The following GPT2 variants were observed in gnomAD, a reference collection of about 807,000 sequenced individuals.
GPT2 encodes the protein glutamic--pyruvic transaminase 2, also known as alanine aminotransferase 2.
GPT2 carries 30 observed loss-of-function variants against 56.9 expected under a neutral mutation model. That is an observed-to-expected ratio of 0.53 (90% CI 0.39 to 0.72). The LOEUF (loss-of-function observed/expected upper bound fraction) is 0.72. Ranked by LOEUF, GPT2 falls within the 30% of genes least tolerant of loss-of-function variation. GPT2 has a pLI of 0.00. For missense variants in GPT2, 542 were observed against 703.4 expected, an observed-to-expected ratio of 0.77 and a Z score of 2.60; for synonymous variants, 271 against 283.1, an observed-to-expected ratio of 0.96 and a Z score of 0.43.
At chr16:46,891,172 C>T (rs962450413) in intron 2 of GPT2, among the ~76,000 whole-genome samples, 1 of 151,988 alleles carries the variant, frequency 6.6e-6, no homozygotes, top group Non-Finnish European at 1.5e-5. Context: ...TGTGCATGGC[C>T]GAAAAATACA....
chr16:46,918,814 C>A lies in GPT2; in HGVS notation c.1037+57C>A, dbSNP rs534924427. The stretch of plus-strand genomic sequence containing the variant: ...TGGGCCTGCCAGATCCTCACGCTGC[C>A]GGCTCCTCTGCCCTGCCCCGTGGTC... On this transcript the variant is annotated intron_variant, in intron 8 of 11. Coordinates refer to ENST00000340124, the MANE Select transcript of GPT2 (RefSeq NM_133443.4). The A allele has an allele frequency of 7.5e-6, 12 of 1,597,218 alleles. No individual in the cohort carries two copies. The East Asian group carries it at 2.7e-4, about 36-fold the overall frequency.
chr16:46,893,789 C>T (rs1437781156), intron 2 of GPT2, among the ~76,000 whole-genome samples: 1 of 152,138 alleles, frequency 6.6e-6, no homozygotes, highest in African/African-American at 2.4e-5. Context: ...GGGATATGTG[C>T]AGGTGGATTC....
intron 2 of GPT2, among the ~76,000 whole-genome samples, chr16:46,896,879 T>TA (rs1386362777): frequency 2.6e-5 from 4 of 152,204 alleles, no homozygotes; most frequent in Non-Finnish European, 5.9e-5. Flanking sequence ...TTCCTGTACT[T>TA]ATATTCATTC....
chr16:46,894,696 C>T (rs1377936529), intron 2 of GPT2, among the ~76,000 whole-genome samples: 2 of 151,452 alleles, frequency 1.3e-5, no homozygotes, highest in Admixed American at 6.6e-5. Flanking sequence ...GACGGAGTCT[C>T]GCTCTGTCGC....
At chr16:46,893,184 G>T (rs1596861413) in intron 2 of GPT2, among the ~76,000 whole-genome samples, 1 of 152,196 alleles carries the variant, frequency 6.6e-6, no homozygotes, top group South Asian at 2.1e-4. Context: ...AGGCTGGAGT[G>T]CAGTGGCGCA....
intron 4 of GPT2, among the ~76,000 whole-genome samples, chr16:46,902,068 CT>C (rs1329141873): frequency 6.6e-6 from 1 of 152,208 alleles, no homozygotes; most frequent in African/African-American, 2.4e-5. Flanking sequence ...GGGAATGTGC[CT>C]TTTGTGTGTC....
chr16:46,915,840 A>C (rs1377440471), intron 6 of GPT2: 1 of 144,000 alleles, frequency 6.9e-6, no homozygotes, highest in Non-Finnish European at 1.5e-5. Flanking sequence ...CTACACACAC[A>C]CCTACACACA....
Position 46,909,763 on chromosome 16 carries a change from A to G in GPT2, c.656A>G (p.Tyr219Cys). 1 of 1,614,078 alleles carries G rather than the reference A, an allele frequency of 6.2e-7. No individual in the cohort carries two copies. Among genetic ancestry groups the G allele is most frequent in the Non-Finnish European group, 8.5e-7 (1 of 1,179,998 alleles). ...ATCCCCATCCCACAATATCCCCTCTATTCAGCTGTCATCTCTGAGCTCGAC... is the reference window on the plus strand; with the variant it reads ...ATCCCCATCCCACAATATCCCCTCTGTTCAGCTGTCATCTCTGAGCTCGAC... ...VMIPIPQYPLYSAVISELDAI... is the reference protein window; with the variant it reads ...VMIPIPQYPLCSAVISELDAI... The change falls in exon 6 of 12, where the codon TAT (tyrosine) becomes TGT (cysteine). Residue 219 changes from tyrosine to cysteine, a missense_variant. By Grantham distance (194) the Tyr-to-Cys change is radical (BLOSUM62 -2). Transcript: ENST00000340124.
intron 2 of GPT2, among the ~76,000 whole-genome samples, chr16:46,894,810 C>T (rs1453354918): frequency 2.6e-5 from 4 of 152,274 alleles, no homozygotes; most frequent in Non-Finnish European, 4.4e-5. Context: ...GGACTACAGG[C>T]GCCCGCCCCC....
Position 46,906,846 on chromosome 16 carries a change from C to T in GPT2, c.447C>T (p.Ser149=), listed in dbSNP as rs1960939997. The change falls in exon 5 of 12, where the codon TCC becomes TCT. Residue 149 remains serine (S), a synonymous_variant. Coordinates refer to ENST00000340124, the MANE Select transcript of GPT2 (RefSeq NM_133443.4). ...GTCTTGCCTGCTGTCTTACAGGGTC[C>T]TACAGTGCTAGCCAGGGTGTCAACT... ...LQACGGNSLG[S]YSASQGVNCI... 6.2e-7 allele frequency: 1 copy of T among 1,614,060 alleles called. No homozygotes were observed. Among genetic ancestry groups the T allele is most frequent in the Non-Finnish European group, 8.5e-7 (1 of 1,180,034 alleles).
intron 5 of GPT2, among the ~76,000 whole-genome samples, chr16:46,909,325 T>A (rs566151930): frequency 6.6e-6 from 1 of 152,168 alleles, no homozygotes; most frequent in Admixed American, 6.5e-5. Context: ...TTTTAAATTT[T>A]TAAGTAGGGA....
In GPT2 at chr16:46,929,404, G is replaced by C; in HGVS notation, c.*407G>C. On this transcript the variant is annotated 3_prime_UTR_variant, in exon 12 of 12. Transcript: ENST00000340124. ...GCTGGAAATCCAAACTCACCACCAT[G>C]ATCTGTGAAATAAAGCCCTTAGCGG... 1 of 222,588 alleles carries C rather than the reference G, an allele frequency of 4.5e-6. No individual in the cohort carries two copies. Among genetic ancestry groups the C allele is most frequent in the South Asian group, 7.2e-5 (1 of 13,828 alleles). The allele number at this position is 222,588 out of a possible 1,614,324, so 13.8% of individuals were successfully genotyped here.
At chr16:46,898,077 A>G (rs1203342397) in intron 3 of GPT2, among the ~76,000 whole-genome samples, 1 of 152,126 alleles carries the variant, frequency 6.6e-6, no homozygotes, top group Non-Finnish European at 1.5e-5. Flanking sequence ...GTCGGGGGGC[A>G]GCAGGAGGTG....
intron 6 of GPT2, among the ~76,000 whole-genome samples, chr16:46,913,149 C>T (rs1209977530): frequency 6.6e-6 from 1 of 152,214 alleles, no homozygotes; most frequent in African/African-American, 2.4e-5. Context: ...CTCTGAGGCG[C>T]TGGAGAGAAC....
chr16:46,900,801 A>G lies in GPT2; in HGVS notation c.442+11A>G, dbSNP rs1362253398. The G allele has an allele frequency of 1.2e-6, 2 of 1,610,152 alleles. No homozygotes were observed. Among genetic ancestry groups the G allele is most frequent in the South Asian group, 1.1e-5 (1 of 90,964 alleles). On this transcript the variant is annotated intron_variant, in intron 4 of 11. Transcript: ENST00000340124. Reference sequence around the variant, plus strand: ...GCGGGAACAGCCTGGGTGAGGCCCCAACTTGCCAGGCCCCTAGGCGTGAAA... The same window carrying G: ...GCGGGAACAGCCTGGGTGAGGCCCCGACTTGCCAGGCCCCTAGGCGTGAAA...
At chr16:46,919,798 TC>T (rs1596631606) in intron 8 of GPT2, among the ~76,000 whole-genome samples, 1 of 152,048 alleles carries the variant, frequency 6.6e-6, no homozygotes, top group East Asian at 1.9e-4. Flanking sequence ...TGTTACAGTC[TC>T]CCAGGTGAGA....
intron 4 of GPT2, among the ~76,000 whole-genome samples, 199 bp from the exon 5 acceptor site, chr16:46,906,643 G>T (rs4246382): frequency 2.6e-5 from 4 of 152,104 alleles, no homozygotes; most frequent in African/African-American, 9.7e-5. Context: ...TAGATGGGTG[G>T]ATGGATAGAG....
Position 46,930,120 on chromosome 16 carries a change from G to A in GPT2, c.*1123G>A, listed in dbSNP as rs1299673930. 1.3e-5 allele frequency: 2 copies of A among 153,234 alleles called. No homozygotes were observed. The highest frequency in any genetic ancestry group is 1.9e-4 in the East Asian group (1 of 5,180). The allele number at this position is 153,234 out of a possible 1,614,324, so 9.5% of individuals were successfully genotyped here. A position where few individuals can be genotyped will look rare whatever the true frequency, so the allele number is the denominator to read the frequency against. On this transcript the variant is annotated 3_prime_UTR_variant, in exon 12 of 12. Coordinates refer to ENST00000340124, the MANE Select transcript of GPT2 (RefSeq NM_133443.4). ...GCCGTGCTTTCATGCAGAGTGTTTT[G>A]CCTTCATGTTAGCTTCCGGCTCCCC...
chr16:46,926,418 C>T (rs1265319342), intron 10 of GPT2, among the ~76,000 whole-genome samples: 1 of 151,732 alleles, frequency 6.6e-6, no homozygotes, highest in Non-Finnish European at 1.5e-5. Context: ...CACTGCACTC[C>T]AGCCTGGGTG....
Sources: gnomAD v4.1 joint callset for allele counts (sites outside exome capture counted in the v4.1 genomes callset) on GRCh38, gnomAD v4.1.1 for gene constraint, MANE v1.5 for transcripts, NCBI Gene and HGNC (gene_info 2026-07-23, HGNC 2026-07-21) for gene names.